The following NOLC1 variants were observed in gnomAD, a reference collection of about 807,000 sequenced individuals.
The protein encoded by NOLC1 is 140 kDa nucleolar phosphoprotein.
A neutral mutation model predicts 73.4 loss-of-function variants in NOLC1; 37 were observed. The ratio of observed to expected loss-of-function variants is 0.50; its 90% CI spans 0.39 to 0.66. The LOEUF is 0.66. NOLC1 is among the 30% of genes least tolerant of loss of function. The pLI is 0.00. For missense variants in NOLC1, 921 were observed against 838.9 expected (o/e 1.10, Z -1.21); for synonymous variants, 327 against 302.6 (o/e 1.08, Z -0.84).
chr10:102,158,985 C>T (rs2069649561), intron 5 of NOLC1, among the ~76,000 whole-genome samples: 1 of 147,594 alleles, frequency 6.8e-6, no homozygotes, highest in South Asian at 2.1e-4. Flanking sequence ...ATCCCAGCTA[C>T]TCCAGAGGCT....
rs147801768 is a variant in NOLC1 at position 102,162,217 on chromosome 10, G to C, written c.2048G>C (p.Arg683Pro). The change falls in exon 13 of 13, where the codon CGG becomes CCG. Residue 683 changes from arginine to proline, a missense_variant. Arg to Pro is a moderately radical substitution (Grantham distance 103, BLOSUM62 -2). Transcript: ENST00000605788. ...EKTKKKRGSY[R>P]GGSISVQVNS... ...ACCAAGAAGAAGCGGGGCAGCTACCGGGGAGGCTCAATCTCTGTCCAGGTC... is the reference window on the plus strand; with the variant it reads ...ACCAAGAAGAAGCGGGGCAGCTACCCGGGAGGCTCAATCTCTGTCCAGGTC... 1.2e-6 allele frequency: 2 copies of C among 1,614,064 alleles called. No homozygotes were observed. The highest frequency in any genetic ancestry group is 1.7e-6 in the Non-Finnish European group (2 of 1,180,006).
At chr10:102,155,022 A>ATTTTTTTTT (rs34034390) in intron 1 of NOLC1, among the ~76,000 whole-genome samples, 77 of 131,232 alleles carry the variant, frequency 5.9e-4, no homozygotes, top group African/African-American at 2.0e-3. Flanking sequence ...CACCTGGCTA[A>ATTTTTTTTT]TTTTTTTTTT....
rs1246315280 is a variant in NOLC1 at position 102,160,293 on chromosome 10, C to T, written c.1049C>T (p.Thr350Ile). The change falls in exon 9 of 13, where the codon ACT (threonine) becomes ATT (isoleucine). Residue 350 changes from threonine (T) to isoleucine (I), a missense_variant. By Grantham distance (89) the Thr-to-Ile change is moderately conservative. Transcript: ENST00000605788. ...AAGGCAGTAGTCTCTAAAGCAACCA[C>T]TAAACCACCTCCAGCAAAGAAAGCA... is the stretch of plus-strand genomic sequence containing the variant. Reference protein sequence around the residue: ...PTKAVVSKATTKPPPAKKAAE... With the variant: ...PTKAVVSKATIKPPPAKKAAE... 6.2e-7 allele frequency: 1 copy of T among 1,614,244 alleles called. No homozygotes were observed. The highest frequency in any genetic ancestry group is 1.7e-5 in the Admixed American group (1 of 60,026).
At chr10:102,161,750 TG>T in intron 11 of NOLC1, 82 bp from the exon 12 acceptor site, 2 of 1,521,064 alleles carry the variant, frequency 1.3e-6, no homozygotes, top group Non-Finnish European at 1.8e-6. Flanking sequence ...TGGCGTGACC[TG>T]GTACATGTGC....
rs750744070 is a variant in NOLC1 at position 102,161,903 on chromosome 10, C to T, written c.1919C>T (p.Ala640Val). 6.2e-6 allele frequency: 10 copies of T among 1,613,910 alleles called. No individual in the cohort carries two copies. The highest frequency in any genetic ancestry group is 2.2e-5 in the South Asian group (2 of 91,084). The change falls in exon 12 of 13, where the codon GCG (alanine) becomes GTG (valine). Residue 640 changes from alanine (A) to valine (V), a missense_variant. Coordinates refer to ENST00000605788, the MANE Select transcript of NOLC1 (RefSeq NM_004741.5). ...EEEIEVDSRV[A>V]DNSFDAKRGA... ...GAAATTGAGGTGGATTCACGAGTTG[C>T]GGACAACTCCTTTGATGCCAAGGTG... is the stretch of plus-strand genomic sequence containing the variant.
At chr10:102,152,578 C>T in intron 1 of NOLC1, 48 bp downstream of exon 1, 4 of 1,610,222 alleles carry the variant, frequency 2.5e-6, no homozygotes, top group Non-Finnish European at 3.4e-6. Flanking sequence ...GACCACAAGG[C>T]TTCAGGCCCT....
chr10:102,157,105 T>G, intron 2 of NOLC1, 31 bp downstream of exon 2: 1 of 1,614,126 alleles, frequency 6.2e-7, no homozygotes, highest in East Asian at 2.2e-5. Context: ...TTTGGCTATT[T>G]TCTCCCCCAA....
chr10:102,160,380 T>C, intron 9 of NOLC1, 37 bp downstream of exon 9: 1 of 1,613,012 alleles, frequency 6.2e-7, no homozygotes, highest in Non-Finnish European at 8.5e-7. Context: ...AGTGAGATGC[T>C]CTCAGGCAGC....
intron 10 of NOLC1, 114 bp from the exon 11 acceptor site, chr10:102,161,442 G>A (rs1406095023): frequency 5.3e-6 from 4 of 751,378 alleles, no homozygotes; most frequent in Non-Finnish European, 9.0e-6. Context: ...ATATTGCCCA[G>A]GCTGATCTGA....
In NOLC1 at chr10:102,161,873, A is replaced by G. The variant is rs775694238; in HGVS notation, c.1889A>G (p.Glu630Gly). The change falls in exon 12 of 13, where the codon GAG (glutamate) becomes GGG (glycine). Residue 630 changes from glutamate to glycine, a missense_variant. Physicochemically the swap from Glu to Gly is moderately conservative, Grantham distance 98. Transcript: ENST00000605788. ...TCATCCCCATTCCGAAGGGTCAGGG[A>G]GGAGGAAATTGAGGTGGATTCACGA... is the stretch of plus-strand genomic sequence containing the variant. ...RASSPFRRVR[E>G]EEIEVDSRVA... 6.2e-6 allele frequency: 10 copies of G among 1,614,074 alleles called. No homozygotes were observed. The highest frequency in any genetic ancestry group is 1.7e-5 in the Admixed American group (1 of 60,004).
chr10:102,157,351 C>T, intron 3 of NOLC1, 23 bp downstream of exon 3: 1 of 1,613,288 alleles, frequency 6.2e-7, no homozygotes, highest in Non-Finnish European at 8.5e-7. Flanking sequence ...AGCAGGTGGG[C>T]TTGGTGGTGC....
chr10:102,157,755 C>T (rs915491428), intron 4 of NOLC1, among the ~76,000 whole-genome samples, 200 bp downstream of exon 4: 2 of 152,050 alleles, frequency 1.3e-5, no homozygotes, highest in Non-Finnish European at 2.9e-5. Flanking sequence ...GGCTCCGAAT[C>T]TAGAGGAAAT....
In NOLC1 at chr10:102,160,650, G is replaced by A; in HGVS notation, c.1298G>A (p.Ser433Asn). 1 of 1,614,184 alleles carries A rather than the reference G, an allele frequency of 6.2e-7. No individual in the cohort carries two copies. The highest frequency in any genetic ancestry group is 2.2e-5 in the East Asian group (1 of 44,882). The part of the protein sequence containing the change: ...SSSSEEESSS[S>N]EEEKTKKMVA... Reference sequence around the variant, plus strand: ...TCCAGTGAGGAAGAGAGCAGCTCCAGTGAGGAGGAGAAGACAAAGAAGATG... The same window carrying A: ...TCCAGTGAGGAAGAGAGCAGCTCCAATGAGGAGGAGAAGACAAAGAAGATG... Residue 433 changes from serine (S) to asparagine (N), a missense_variant, in exon 10 of 13, where the codon AGT becomes AAT. Ser to Asn is a conservative substitution (Grantham distance 46). Transcript: ENST00000605788.
At position 102,161,943 on chromosome 10, in the gene NOLC1, G is replaced by A. The variant is rs745610645; in HGVS notation, c.1941+18G>A. ...ATGCCAAGGTGAGAGAGAGATCTGT[G>A]CCATTCTTGGGAGGGAGGATGGGTA... On this transcript the variant is annotated intron_variant, in intron 12 of 12. Coordinates refer to ENST00000605788, the MANE Select transcript of NOLC1 (RefSeq NM_004741.5). 1.9e-6 allele frequency: 3 copies of A among 1,612,614 alleles called. No homozygotes were observed. The highest frequency in any genetic ancestry group is 2.5e-6 in the Non-Finnish European group (3 of 1,178,638).
At position 102,162,322 on chromosome 10, in the gene NOLC1, C is replaced by T; in HGVS notation, c.*53C>T. Reference sequence around the variant, plus strand: ...GTGATGATCGGAGACTACTTACTTTCTCCAGTGGACCTGGGAACCCTCAGG... The same window carrying T: ...GTGATGATCGGAGACTACTTACTTTTTCCAGTGGACCTGGGAACCCTCAGG... On this transcript the variant is annotated 3_prime_UTR_variant, in exon 13 of 13. Coordinates refer to ENST00000605788, the MANE Select transcript of NOLC1 (RefSeq NM_004741.5). 6.3e-7 allele frequency: 1 copy of T among 1,583,802 alleles called. No homozygotes were observed. Among genetic ancestry groups the T allele is most frequent in the South Asian group, 1.1e-5 (1 of 87,054 alleles).
chr10:102,153,421 T>C (rs1177837476), intron 1 of NOLC1, among the ~76,000 whole-genome samples: 1 of 152,156 alleles, frequency 6.6e-6, no homozygotes, highest in Non-Finnish European at 1.5e-5. Context: ...GAAGACACTT[T>C]GAGAGAGGAG....
At position 102,162,238 on chromosome 10, in the gene NOLC1, A is replaced by T; in HGVS notation, c.2069A>T (p.Gln690Leu). 6.2e-7 allele frequency: 1 copy of T among 1,614,106 alleles called. No individual in the cohort carries two copies. The highest frequency in any genetic ancestry group is 8.5e-7 in the Non-Finnish European group (1 of 1,180,002). Residue 690 changes from glutamine (Q) to leucine (L), a missense_variant, in exon 13 of 13, where the codon CAG becomes CTG. Transcript: ENST00000605788. Reference sequence around the variant, plus strand: ...TACCGGGGAGGCTCAATCTCTGTCCAGGTCAATTCTATTAAGTTTGACAGC... The same window carrying T: ...TACCGGGGAGGCTCAATCTCTGTCCTGGTCAATTCTATTAAGTTTGACAGC... ...GSYRGGSISVQVNSIKFDSE is the reference protein window; with the variant it reads ...GSYRGGSISVLVNSIKFDSE
At position 102,152,663 on chromosome 10, in the gene NOLC1, C is replaced by T. The variant is rs921499549; in HGVS notation, c.120+133C>T. 13 of 1,279,624 alleles carry T rather than the reference C, an allele frequency of 1.0e-5. No individual in the cohort carries two copies. The Admixed American group carries it at 3.0e-4, about 30-fold the overall frequency. 79.3% of individuals were successfully genotyped at this position (1,279,624 alleles called of 1,614,324 possible). ...TGTCTGCAAGGCCTTTACGCCGACC[C>T]CTCGGCAGTGACCAGAGAAAGCCTG... is the stretch of plus-strand genomic sequence containing the variant. On this transcript the variant is annotated intron_variant, in intron 1 of 12. Coordinates refer to ENST00000605788, the MANE Select transcript of NOLC1 (RefSeq NM_004741.5).
chr10:102,162,073 G>A, intron 12 of NOLC1, 38 bp from the exon 13 acceptor site: 1 of 1,608,740 alleles, frequency 6.2e-7, no homozygotes, highest in Non-Finnish European at 8.5e-7. Context: ...GCTCCAGCAT[G>A]GTCCTCCTCT....
Sources: gnomAD v4.1 joint callset for allele counts (sites outside exome capture counted in the v4.1 genomes callset) on GRCh38, gnomAD v4.1.1 for gene constraint, MANE v1.5 for transcripts, NCBI Gene and HGNC (gene_info 2026-07-23, HGNC 2026-07-21) for gene names.